KIF13A: variants seen among roughly 807,000 people sequenced by gnomAD.
The protein encoded by KIF13A is kinesin-like protein KIF13A.
Under a neutral mutation model 212.2 loss-of-function variants are expected in KIF13A, and 79 were observed. That is an observed-to-expected ratio of 0.37 (90% confidence interval 0.31 to 0.45). The LOEUF (loss-of-function observed/expected upper bound fraction) is 0.45. Ranked by LOEUF, KIF13A falls within the 20% of genes least tolerant of loss-of-function variation. KIF13A has a pLI of 1.00. For synonymous variants in KIF13A, 789 were observed against 808.6 expected (o/e 0.98, Z 0.41); for missense variants, 1,901 against 2,209.0 (o/e 0.86, Z 2.79).
intron 16 of KIF13A, chr6:17,821,973 C>T: frequency 1.3e-6 from 2 of 1,511,220 alleles, no homozygotes; most frequent in South Asian, 2.4e-5. Context: ...GCATCAGAGA[C>T]TGTGTGTATG....
At chr6:17,891,078 C>CT (rs772119663) in intron 3 of KIF13A, among the ~76,000 whole-genome samples, 15 of 152,096 alleles carry the variant, frequency 9.9e-5, no homozygotes, top group Non-Finnish European at 2.1e-4. Context: ...GACAAAGCCT[C>CT]TTTTTTCCCC....
intron 3 of KIF13A, among the ~76,000 whole-genome samples, chr6:17,875,013 A>G (rs1446994153): frequency 1.3e-5 from 2 of 149,976 alleles, no homozygotes; most frequent in Non-Finnish European, 3.0e-5. Flanking sequence ...GCACACACAC[A>G]CACACACACA....
chr6:17,837,824 G>C lies in KIF13A; in HGVS notation c.831-241C>G, dbSNP rs1270401963. On this transcript the variant is annotated intron_variant, in intron 9 of 38. Coordinates refer to ENST00000259711, the MANE Select transcript of KIF13A (RefSeq NM_022113.6). The surrounding 1 kb of genome is among the most constrained non-coding windows in gnomAD (Gnocchi z 5.4). ...AAAAATTAGCTGGGCGTGGTGGCAG[G>C]TGCCTGTAATCCCAGCTACTTGGGA... is the stretch of plus-strand genomic sequence containing the variant. Among the ~76,000 whole-genome samples, 1 of 151,866 alleles carries C rather than the reference G, an allele frequency of 6.6e-6. No homozygotes were observed. Among genetic ancestry groups the C allele is most frequent in the Non-Finnish European group, 1.5e-5 (1 of 67,980 alleles).
chr6:17,791,189 A>T (rs1761519791), intron 25 of KIF13A, among the ~76,000 whole-genome samples: 1 of 151,806 alleles, frequency 6.6e-6, no homozygotes, highest in Admixed American at 6.6e-5. Context: ...TCCTGAAGTA[A>T]TTTATCTTGA....
chr6:17,896,093 C>T (rs574821318), intron 3 of KIF13A, among the ~76,000 whole-genome samples: 1 of 152,078 alleles, frequency 6.6e-6, no homozygotes, highest in Non-Finnish European at 1.5e-5. Context: ...CCCCTGGAAC[C>T]CATCTATAGG....
Position 17,883,458 on chromosome 6 carries a change from A to G in KIF13A, c.160-10021T>C, listed in dbSNP as rs1325584155. Among the ~76,000 whole-genome samples the G allele has an allele frequency of 6.6e-6, 1 of 152,200 alleles. No homozygotes were observed. Among genetic ancestry groups the G allele is most frequent in the East Asian group, 1.9e-4 (1 of 5,200 alleles). On this transcript the variant is annotated intron_variant, in intron 3 of 38. Transcript: ENST00000259711. The surrounding 1 kb of genome is among the most constrained non-coding windows in gnomAD (Gnocchi z 4.8). ...ACATGTGACATCTGCTTAAAATAGC[A>G]CAGATCAGTCAGTGTAAATCCTTCA...
chr6:17,849,511 GAGA>G lies in KIF13A; in HGVS notation c.718-25_718-23del. The stretch of plus-strand genomic sequence containing the variant: ...AATTCTAGTTATAGGAAACGAGAGA[GAGA>G]AGAAAAACTTATCAATAAAAACCAC... On this transcript the variant is annotated intron_variant, in intron 8 of 38. Coordinates refer to ENST00000259711, the MANE Select transcript of KIF13A (RefSeq NM_022113.6). This position sits in a 1 kb window ranked among gnomAD's most constrained non-coding sequence, Gnocchi z 5.7. 1 of 1,575,494 alleles carries G rather than the reference GAGA, an allele frequency of 6.3e-7. No homozygotes were observed. The highest frequency in any genetic ancestry group is 8.7e-7 in the Non-Finnish European group (1 of 1,148,764).
In KIF13A at chr6:17,982,871, T is replaced by C. The variant is rs1349940603; in HGVS notation, c.146+4183A>G. On this transcript the variant is annotated intron_variant, in intron 2 of 38. Coordinates refer to ENST00000259711, the MANE Select transcript of KIF13A (RefSeq NM_022113.6). This position sits in a 1 kb window ranked among gnomAD's most constrained non-coding sequence, Gnocchi z 5.1. ...ATGAGTAAGTCTTAATATGCTGATA[T>C]TGAAAGATACCAAAGGGGGCCAGGC... 2.0e-5 allele frequency among the ~76,000 whole-genome samples: 3 copies of C among 152,254 alleles called. No individual in the cohort carries two copies. The highest frequency in any genetic ancestry group is 3.9e-4 in the East Asian group (2 of 5,178).
Position 17,982,445 on chromosome 6 carries a change from C to T in KIF13A, c.146+4609G>A, listed in dbSNP as rs1781174737. Reference sequence around the variant, plus strand: ...ATTTCAGATGTTCAGACAGGGATACCGCTGGTGAATAAACTAAAAAATACA... The same window carrying T: ...ATTTCAGATGTTCAGACAGGGATACTGCTGGTGAATAAACTAAAAAATACA... On this transcript the variant is annotated intron_variant, in intron 2 of 38. Coordinates refer to ENST00000259711, the MANE Select transcript of KIF13A (RefSeq NM_022113.6). The surrounding 1 kb of genome is among the most constrained non-coding windows in gnomAD (Gnocchi z 5.1). The T allele has an allele frequency of 5.1e-6, 5 of 984,318 alleles. No homozygotes were observed. In the South Asian group the frequency reaches 1.9e-4, roughly 37 times the overall value. 61.0% of individuals were successfully genotyped at this position (984,318 alleles called of 1,614,324 possible).
chr6:17,966,508 A>C (rs954454704), intron 2 of KIF13A, among the ~76,000 whole-genome samples: 19 of 149,126 alleles, frequency 1.3e-4, no homozygotes, highest in East Asian at 3.9e-4. Context: ...AAAAAAAAAA[A>C]CCCATGATTT....
At chr6:17,985,663 T>G (rs1300221077) in intron 2 of KIF13A, among the ~76,000 whole-genome samples, 1 of 146,038 alleles carries the variant, frequency 6.8e-6, no homozygotes, top group African/African-American at 2.6e-5. Context: ...CATTCGTTGG[T>G]GATATGGGCA....
At chr6:17,881,796 G>GA in intron 3 of KIF13A, 1 of 343,514 alleles carries the variant, frequency 2.9e-6, no homozygotes, top group South Asian at 2.2e-5. Context: ...AGGAGTTTGA[G>GA]ACCCTCCTGG....
rs1437074009 is a variant in KIF13A, at chr6:17,899,494, G to A, written c.147-1314C>T. ...CTCCTTACAGAGCTCTGAGGGACTC[G>A]AACAAAACTGAGAGCTCAGTAGCAG... On this transcript the variant is annotated intron_variant, in intron 2 of 38. Coordinates refer to ENST00000259711, the MANE Select transcript of KIF13A (RefSeq NM_022113.6). The surrounding 1 kb of genome is among the most constrained non-coding windows in gnomAD (Gnocchi z 5.2). Among the ~76,000 whole-genome samples, 1 of 152,096 alleles carries A rather than the reference G, an allele frequency of 6.6e-6. No individual in the cohort carries two copies. Among genetic ancestry groups the A allele is most frequent in the African/African-American group, 2.4e-5 (1 of 41,410 alleles).
In KIF13A at chr6:17,772,111, A is replaced by T; in HGVS notation, c.4325-52T>A. On this transcript the variant is annotated intron_variant, in intron 36 of 38. Transcript: ENST00000259711. The surrounding 1 kb of genome is among the most constrained non-coding windows in gnomAD (Gnocchi z 4.8). Reference sequence around the variant, plus strand: ...TACAGATGCTGAACACTTTAAGCAAAACATAGGAACTGAGACAATGACCCA... The same window carrying T: ...TACAGATGCTGAACACTTTAAGCAATACATAGGAACTGAGACAATGACCCA... 1 of 1,527,766 alleles carries T rather than the reference A, an allele frequency of 6.5e-7. No homozygotes were observed. Among genetic ancestry groups the T allele is most frequent in the Non-Finnish European group, 9.0e-7 (1 of 1,107,646 alleles). The allele number at this position is 1,527,766 out of a possible 1,614,324, so 94.6% of individuals were successfully genotyped here. A position where few individuals can be genotyped will look rare whatever the true frequency, so the allele number is the denominator to read the frequency against.
At position 17,849,562 on chromosome 6, in the gene KIF13A, G is replaced by C. The variant is rs886925302; in HGVS notation, c.718-73C>G. 3 of 1,062,700 alleles carry C rather than the reference G, an allele frequency of 2.8e-6. No homozygotes were observed. In the African/African-American group the frequency reaches 4.8e-5, roughly 17 times the overall value. The allele number at this position is 1,062,700 out of a possible 1,614,324, so 65.8% of individuals were successfully genotyped here. On this transcript the variant is annotated intron_variant, in intron 8 of 38. Transcript: ENST00000259711. The surrounding 1 kb of genome is among the most constrained non-coding windows in gnomAD (Gnocchi z 5.7). ...CACATGGATATCTACATATATGTTA[G>C]CACTATAATTGAGCAATCCATCCCA...
At position 17,777,381 on chromosome 6, in the gene KIF13A, C is replaced by T; in HGVS notation, c.4093-27G>A. The T allele has an allele frequency of 6.7e-7, 1 of 1,491,772 alleles. No individual in the cohort carries two copies. The highest frequency in any genetic ancestry group is 1.2e-5 in the South Asian group (1 of 83,864). 92.4% of individuals were successfully genotyped at this position (1,491,772 alleles called of 1,614,324 possible). A position where few individuals can be genotyped will look rare whatever the true frequency, so the allele number is the denominator to read the frequency against. ...TGTAAACATAATAATTTGAAAATAACACTTTTTTTTTTTTTCCCCAGAGAC... is the reference window on the plus strand; with the variant it reads ...TGTAAACATAATAATTTGAAAATAATACTTTTTTTTTTTTTCCCCAGAGAC... On this transcript the variant is annotated intron_variant, in intron 33 of 38. Transcript: ENST00000259711. This position sits in a 1 kb window ranked among gnomAD's most constrained non-coding sequence, Gnocchi z 4.4.
rs146477194 is a variant in KIF13A at position 17,809,250 on chromosome 6, G to A, written c.2001-320C>T. Among the ~76,000 whole-genome samples, 12 of 152,316 alleles carry A rather than the reference G, an allele frequency of 7.9e-5. No individual in the cohort carries two copies. Among genetic ancestry groups the A allele is most frequent in the African/African-American group, 2.6e-4 (11 of 41,580 alleles). On this transcript the variant is annotated intron_variant, in intron 17 of 38. Transcript: ENST00000259711. The surrounding 1 kb of genome is among the most constrained non-coding windows in gnomAD (Gnocchi z 4.7). ...TTTGGGAAAAACAAACGATGATTAC[G>A]ACTTGTGTGTGCTGAGGGAGGGTGG...
rs575950635 is a variant in KIF13A, at chr6:17,770,758, C to T, written c.4581+356G>A. ...CATGATTACTTACTCCAAGTAAGTG[C>T]ACTTCCTCTAGGTAGATTAACTTCA... On this transcript the variant is annotated intron_variant, in intron 38 of 38. Coordinates refer to ENST00000259711, the MANE Select transcript of KIF13A (RefSeq NM_022113.6). 5 of 976,016 alleles carry T rather than the reference C, an allele frequency of 5.1e-6. No homozygotes were observed. The African/African-American group carries it at 8.7e-5, about 17-fold the overall frequency. The allele number at this position is 976,016 out of a possible 1,614,324, so 60.5% of individuals were successfully genotyped here.
At chr6:17,815,366 G>A (rs1325746420) in intron 17 of KIF13A, among the ~76,000 whole-genome samples, 1 of 152,186 alleles carries the variant, frequency 6.6e-6, no homozygotes, top group African/African-American at 2.4e-5. Flanking sequence ...AGGTGGTGGA[G>A]CAGAGTCTTC....
Sources: allele counts gnomAD v4.1 joint callset (sites outside exome capture counted in the v4.1 genomes callset), GRCh38; gene constraint gnomAD v4.1.1; non-coding constraint Gnocchi (gnomAD v3.1); transcripts MANE v1.5; gene names NCBI Gene and HGNC (gene_info 2026-07-23, HGNC 2026-07-21).